The following SMARCA5 variants were observed in gnomAD, a reference collection of about 807,000 sequenced individuals.
The protein encoded by SMARCA5 is SWI/SNF-related matrix-associated actin-dependent regulator of chromatin subfamily A member 5.
Under a neutral mutation model 140.4 loss-of-function variants are expected in SMARCA5, and 18 were observed. The observed-to-expected ratio is 0.13, with a 90% confidence interval of 0.09 to 0.19. SMARCA5 has a LOEUF of 0.19. SMARCA5 is among the 10% of genes least tolerant of loss of function. The probability of loss-of-function intolerance (pLI) is 1.00; values close to 1 mark genes in which losing one functional copy is unlikely to be tolerated. For synonymous variants in SMARCA5, 449 were observed against 419.6 expected, an observed-to-expected ratio of 1.07 and a Z score of -0.86; for missense variants, 606 against 1,276.8, an observed-to-expected ratio of 0.47 and a Z score of 8.01.
At chr4:143,539,036 T>G in intron 13 of SMARCA5, 98 bp downstream of exon 13, 1 of 1,066,290 alleles carries the variant, frequency 9.4e-7, no homozygotes, top group Non-Finnish European at 1.4e-6. Context: ...CAATAGAATT[T>G]TATTTTTCTC....
chr4:143,544,977 T>C, intron 17 of SMARCA5, 130 bp downstream of exon 17: 1 of 549,508 alleles, frequency 1.8e-6, no homozygotes, highest in South Asian at 2.1e-5. Context: ...AGACAGAGTC[T>C]CACTCTGTTA....
Position 143,553,248 on chromosome 4 carries a change from A to G in SMARCA5, c.*64A>G. The G allele has an allele frequency of 1.8e-6, 2 of 1,081,964 alleles. No individual in the cohort carries two copies. Among genetic ancestry groups the G allele is most frequent in the East Asian group, 2.4e-5 (1 of 42,282 alleles). The allele number at this position is 1,081,964 out of a possible 1,614,324, so 67.0% of individuals were successfully genotyped here. On this transcript the variant is annotated 3_prime_UTR_variant, in exon 24 of 24. Transcript: ENST00000283131. Reference sequence around the variant, plus strand: ...AGTTCTTTAATTTACGGGTCTTCATAAGATGTACTGTACAATGCTCAATTG... The same window carrying G: ...AGTTCTTTAATTTACGGGTCTTCATGAGATGTACTGTACAATGCTCAATTG...
At chr4:143,531,691 A>G (rs994252464) in intron 9 of SMARCA5, among the ~76,000 whole-genome samples, 1 of 152,150 alleles carries the variant, frequency 6.6e-6, no homozygotes, top group Non-Finnish European at 1.5e-5. Context: ...CCTTTTTAAC[A>G]TTCTTTGGCA....
chr4:143,544,126 A>C, intron 16 of SMARCA5, 154 bp downstream of exon 16: 1 of 459,336 alleles, frequency 2.2e-6, no homozygotes, highest in Non-Finnish European at 3.7e-6. Context: ...GTAAAATTTA[A>C]TGCCAGTTTT....
chr4:143,524,450 T>G lies in SMARCA5; in HGVS notation c.503T>G (p.Phe168Cys). The G allele has an allele frequency of 6.2e-7, 1 of 1,610,176 alleles. No individual in the cohort carries two copies. Among genetic ancestry groups the G allele is most frequent in the Non-Finnish European group, 8.5e-7 (1 of 1,176,776 alleles). The change falls in exon 4 of 24, where the codon TTT (phenylalanine) becomes TGT (cysteine). Residue 168 changes from phenylalanine to cysteine, a missense_variant. Coordinates refer to ENST00000283131, the MANE Select transcript of SMARCA5 (RefSeq NM_003601.4). ...AAAGCAACCAATGTTTGCACTCGATTTGAAGACTCTCCATCGTGTATGTTA... is the reference window on the plus strand; with the variant it reads ...AAAGCAACCAATGTTTGCACTCGATGTGAAGACTCTCCATCGTGTATGTTA... ...SSKATNVCTR[F>C]EDSPSYVKWG...
chr4:143,517,252 T>A, intron 1 of SMARCA5, 103 bp from the exon 2 acceptor site: 1 of 719,062 alleles, frequency 1.4e-6, no homozygotes, highest in Non-Finnish European at 2.2e-6. Context: ...AAGTTTGGGG[T>A]GAGAATGTAT....
rs1392458016 is a variant in SMARCA5, at chr4:143,524,478, C to G, written c.520+11C>G. Reference sequence around the variant, plus strand: ...AAGACTCTCCATCGTGTATGTTAAACACACTTGATTTTTTTAAAAAATTGC... The same window carrying G: ...AAGACTCTCCATCGTGTATGTTAAAGACACTTGATTTTTTTAAAAAATTGC... On this transcript the variant is annotated intron_variant, in intron 4 of 23. Coordinates refer to ENST00000283131, the MANE Select transcript of SMARCA5 (RefSeq NM_003601.4). The G allele has an allele frequency of 6.4e-7, 1 of 1,573,082 alleles. No homozygotes were observed. Among genetic ancestry groups the G allele is most frequent in the East Asian group, 2.2e-5 (1 of 44,534 alleles).
intron 13 of SMARCA5, among the ~76,000 whole-genome samples, chr4:143,539,980 G>A (rs1737396505): frequency 6.6e-6 from 1 of 152,202 alleles, no homozygotes; most frequent in East Asian, 1.9e-4. Context: ...CTTGTATATA[G>A]TTAATTGGGT....
chr4:143,550,169 C>A, intron 23 of SMARCA5, 65 bp downstream of exon 23: 1 of 844,668 alleles, frequency 1.2e-6, no homozygotes, highest in Non-Finnish European at 1.8e-6. Context: ...GTATTTAACA[C>A]TGCTTGGCTG....
chr4:143,543,155 C>G (rs925859039), intron 14 of SMARCA5, among the ~76,000 whole-genome samples: 8 of 152,098 alleles, frequency 5.3e-5, no homozygotes, highest in African/African-American at 1.9e-4. Flanking sequence ...TTAATAACAC[C>G]TTTCTGCTCA....
rs750218985 is a variant in SMARCA5, at chr4:143,514,031, G to T, written c.107G>T (p.Gly36Val). Residue 36 changes from glycine (G) to valine (V), a missense_variant, in exon 1 of 24, where the codon GGC becomes GTC. Gly to Val is a moderately radical substitution (Grantham distance 109). Around this residue, in one of 10 missense-constraint regions of SMARCA5, gnomAD observed 164 missense variants for 128.4 expected, o/e 1.28. Transcript: ENST00000283131. The part of the protein sequence containing the change: ...SGGSNSSNKG[G>V]PEGVAAQAVA... ...GGGAGCAACAGCAGCAACAAAGGCGGCCCCGAAGGCGTCGCGGCGCAGGCG... is the reference window on the plus strand; with the variant it reads ...GGGAGCAACAGCAGCAACAAAGGCGTCCCCGAAGGCGTCGCGGCGCAGGCG... The T allele has an allele frequency of 1.3e-6, 2 of 1,553,932 alleles. No individual in the cohort carries two copies. The highest frequency in any genetic ancestry group is 1.7e-6 in the Non-Finnish European group (2 of 1,157,728).
At chr4:143,536,788 G>T (rs1468180311) in intron 11 of SMARCA5, 110 bp downstream of exon 11, 1 of 741,264 alleles carries the variant, frequency 1.3e-6, no homozygotes, top group African/African-American at 1.8e-5. Flanking sequence ...AGGTTGACGT[G>T]TAGAACATTA....
intron 14 of SMARCA5, among the ~76,000 whole-genome samples, chr4:143,540,801 A>G (rs1400445606): frequency 6.6e-6 from 1 of 152,186 alleles, no homozygotes; most frequent in Admixed American, 6.5e-5. Flanking sequence ...TTAAAGGATT[A>G]AAGGGGATAA....
At chr4:143,520,315 C>G (rs76375680) in intron 2 of SMARCA5, among the ~76,000 whole-genome samples, 2,021 of 152,252 alleles carry the variant, frequency 0.013, 40 homozygotes, top group Non-Finnish European at 0.016. Flanking sequence ...TAAAAACAGT[C>G]TGTAATCTTG....
intron 14 of SMARCA5, among the ~76,000 whole-genome samples, chr4:143,542,224 T>C (rs938822983): frequency 6.6e-6 from 1 of 152,086 alleles, no homozygotes; most frequent in Non-Finnish European, 1.5e-5. Flanking sequence ...AATCTTGAGG[T>C]TTTTTTACTT....
Position 143,524,357 on chromosome 4 carries a change from A to G in SMARCA5, c.420-10A>G, listed in dbSNP as rs762579223. The G allele has an allele frequency of 1.3e-6, 2 of 1,580,746 alleles. No individual in the cohort carries two copies. On this transcript the variant is annotated splice_polypyrimidine_tract_variant and intron_variant, in intron 3 of 23. Transcript: ENST00000283131. ...ACTCAAATCAGGTTATTTTATTTTCATCTTAACAGTTACCGACACCGTAGA... is the reference window on the plus strand; with the variant it reads ...ACTCAAATCAGGTTATTTTATTTTCGTCTTAACAGTTACCGACACCGTAGA...
intron 11 of SMARCA5, 34 bp from the exon 12 acceptor site, chr4:143,538,556 G>A (rs1347933152): frequency 6.3e-7 from 1 of 1,588,284 alleles, no homozygotes; most frequent in Non-Finnish European, 8.6e-7. Context: ...TACTTTTGAA[G>A]CCACTGATAA....
intron 1 of SMARCA5, 125 bp downstream of exon 1, chr4:143,514,226 C>G (rs779171471): frequency 7.5e-5 from 64 of 855,930 alleles, no homozygotes; most frequent in East Asian, 1.1e-4. Context: ...GCTTCACACC[C>G]TGTGGATACG....
intron 10 of SMARCA5, among the ~76,000 whole-genome samples, chr4:143,536,227 A>C (rs1442789852): frequency 6.6e-6 from 1 of 152,186 alleles, no homozygotes; most frequent in African/African-American, 2.4e-5. Context: ...TAATATCCTC[A>C]AGGCCCAAGG....
Sources: allele counts gnomAD v4.1 joint callset (sites outside exome capture counted in the v4.1 genomes callset), GRCh38; gene constraint gnomAD v4.1.1; regional missense constraint gnomAD v4.1.1; transcripts MANE v1.5; gene names NCBI Gene and HGNC (gene_info 2026-07-23, HGNC 2026-07-21).